The following SIGLEC11 variants were observed in gnomAD, a reference collection of about 807,000 sequenced individuals.
The protein encoded by SIGLEC11 is sialic acid-binding Ig-like lectin 11.
SIGLEC11 carries 47 observed loss-of-function variants against 61.2 expected under a neutral mutation model. The ratio of observed to expected loss-of-function variants is 0.77; its 90% confidence interval spans 0.61 to 0.98. SIGLEC11 has a LOEUF of 0.98. Ranked by LOEUF, SIGLEC11 falls within the 50% of genes least tolerant of loss-of-function variation. The pLI is 0.00. For missense variants in SIGLEC11, 610 were observed against 870.3 expected, an observed-to-expected ratio of 0.70 and a Z score of 3.76; for synonymous variants, 278 against 373.1, an observed-to-expected ratio of 0.75 and a Z score of 2.94.
Position 49,960,871 on chromosome 19 carries a change from G to A in SIGLEC11, c.141C>T (p.Gly47=), listed in dbSNP as rs2076241973. 1 of 1,577,386 alleles carries A rather than the reference G, an allele frequency of 6.3e-7. No individual in the cohort carries two copies. The highest frequency in any genetic ancestry group is 8.7e-7 in the Non-Finnish European group (1 of 1,155,480). The change falls in exon 2 of 11, where the codon GGC becomes GGT. Residue 47 remains glycine (G), a synonymous_variant. Coordinates refer to ENST00000447370, the MANE Select transcript of SIGLEC11 (RefSeq NM_052884.3). ...GGTTGCAAGACACGATGACACACAG[G>A]CCCTCCGGCACCGGCACCTGCCTCT... The part of the protein sequence containing the change: ...QVQRQVPVPE[G]LCVIVSCNLS...
In SIGLEC11 at chr19:49,958,823, T is replaced by C; in HGVS notation, c.1183A>G (p.Ser395Gly). The C allele has an allele frequency of 1.2e-6, 2 of 1,612,708 alleles. No homozygotes were observed. The highest frequency in any genetic ancestry group is 1.3e-5 in the African/African-American group (1 of 75,034). ...CAGCTCAGCCTGGCTGGGGGGCTGC[T>C]GTGGGTGACACAGACCAGGCGCAGG... ...QSLRLVCVTH[S>G]SPPARLSWTR... The change falls in exon 7 of 11, where the codon AGC (serine) becomes GGC (glycine). Residue 395 changes from serine (S) to glycine (G), a missense_variant. This residue lies in a region of SIGLEC11 where 432 missense variants were observed against 441.5 expected (regional missense o/e 0.98). Coordinates refer to ENST00000447370, the MANE Select transcript of SIGLEC11 (RefSeq NM_052884.3).
Position 49,951,311 on chromosome 19 carries a change from G to A in SIGLEC11, c.1830+580C>T, listed in dbSNP as rs768543232. Among the ~76,000 whole-genome samples, 30 of 152,192 alleles carry A rather than the reference G, an allele frequency of 2.0e-4. 1 individual carries two copies. The highest frequency in any genetic ancestry group is 5.3e-4 in the African/African-American group (22 of 41,452). On this transcript the variant is annotated intron_variant, in intron 10 of 10. Coordinates refer to ENST00000447370, the MANE Select transcript of SIGLEC11 (RefSeq NM_052884.3). The surrounding 1 kb of genome is among the most constrained non-coding windows in gnomAD (Gnocchi z 4.6). ...CATGGCTCCCCTGGGAAAGGCCACCGGAAGCTGTGGGTTTGGTATCTCCTG... is the reference window on the plus strand; with the variant it reads ...CATGGCTCCCCTGGGAAAGGCCACCAGAAGCTGTGGGTTTGGTATCTCCTG...
chr19:49,958,486 G>C lies in SIGLEC11; in HGVS notation c.1448C>G (p.Pro483Arg), dbSNP rs761548091. ...CTCCCCAAGCCACCAGCGCAGAGAG[G>C]GGGCCGGGCTGGCCTGGGAGGAGCA... is the stretch of plus-strand genomic sequence containing the variant. ...CSCSSQASPAPSLRWWLGEEL... is the reference protein window; with the variant it reads ...CSCSSQASPARSLRWWLGEEL... The change falls in exon 8 of 11, where the codon CCC becomes CGC. Residue 483 changes from proline (P) to arginine (R), a missense_variant. Physicochemically the swap from Pro to Arg is moderately radical, Grantham distance 103. Around this residue, in one of 6 missense-constraint regions of SIGLEC11, gnomAD observed 432 missense variants for 441.5 expected, o/e 0.98. Coordinates refer to ENST00000447370, the MANE Select transcript of SIGLEC11 (RefSeq NM_052884.3). The C allele has an allele frequency of 6.0e-5, 97 of 1,611,626 alleles. No individual in the cohort carries two copies. Among genetic ancestry groups the C allele is most frequent in the Middle Eastern group, 5.4e-4 (3 of 5,582 alleles).
chr19:49,958,491 C>T lies in SIGLEC11; in HGVS notation c.1443G>A (p.Pro481=), dbSNP rs556999247. ...CAAGCCACCAGCGCAGAGAGGGGGC[C>T]GGGCTGGCCTGGGAGGAGCAGCTGC... ...LHCSCSSQAS[P]APSLRWWLGE... The change falls in exon 8 of 11, where the codon CCG becomes CCA. Residue 481 remains proline, a synonymous_variant. Coordinates refer to ENST00000447370, the MANE Select transcript of SIGLEC11 (RefSeq NM_052884.3). 100 of 1,610,978 alleles carry T rather than the reference C, an allele frequency of 6.2e-5. No homozygotes were observed. Among genetic ancestry groups the T allele is most frequent in the Non-Finnish European group, 7.6e-5 (90 of 1,178,952 alleles).
rs745759468 is a variant in SIGLEC11 at position 49,951,947 on chromosome 19, G to T, written c.1774C>A (p.Arg592Ser). ...TCCTGCTCAGCTGCTGCCCTCTTGC[G>T]AGCTTCCTTCCTGCAGATCTTCACC... ...FRVKICRKEARKRAAAEQDVP... is the reference protein window; with the variant it reads ...FRVKICRKEASKRAAAEQDVP... Residue 592 changes from arginine (R) to serine (S), a missense_variant, in exon 10 of 11, where the codon CGC becomes AGC. Arg to Ser is a moderately radical substitution (Grantham distance 110, BLOSUM62 -1). Around this residue, in one of 6 missense-constraint regions of SIGLEC11, gnomAD observed 432 missense variants for 441.5 expected, o/e 0.98. Coordinates refer to ENST00000447370, the MANE Select transcript of SIGLEC11 (RefSeq NM_052884.3). This position sits in a 1 kb window ranked among gnomAD's most constrained non-coding sequence, Gnocchi z 4.6. 1 of 1,610,932 alleles carries T rather than the reference G, an allele frequency of 6.2e-7. No homozygotes were observed. Among genetic ancestry groups the T allele is most frequent in the Non-Finnish European group, 8.5e-7 (1 of 1,178,982 alleles).
rs139230914 is a variant in SIGLEC11, at chr19:49,958,650, G to C, written c.1356C>G (p.Ser452=). The change falls in exon 7 of 11, where the codon TCC becomes TCG. Residue 452 remains serine, a synonymous_variant. Coordinates refer to ENST00000447370, the MANE Select transcript of SIGLEC11 (RefSeq NM_052884.3). ...LGSQHVSLSL[S]VHYPPQLLGP... ...CCCCTTTCCCCCACTCACAGTGCACGGAGAGGCTGAGAGAGACGTGCTGGG... is the reference window on the plus strand; with the variant it reads ...CCCCTTTCCCCCACTCACAGTGCACCGAGAGGCTGAGAGAGACGTGCTGGG... 2 of 1,595,892 alleles carry C rather than the reference G, an allele frequency of 1.3e-6. No homozygotes were observed. The highest frequency in any genetic ancestry group is 1.7e-6 in the Non-Finnish European group (2 of 1,171,328).
chr19:49,954,137 G>A (rs58768527), intron 8 of SIGLEC11, among the ~76,000 whole-genome samples: 3,647 of 152,174 alleles, frequency 0.024, 136 homozygotes, highest in African/African-American at 0.084. Context: ...GCAGCTTATT[G>A]CAAAACACTT....
intron 9 of SIGLEC11, 98 bp from the exon 10 acceptor site, chr19:49,952,070 C>T (rs2076161889): frequency 7.8e-7 from 1 of 1,276,212 alleles, no homozygotes; most frequent in Admixed American, 2.5e-5. Flanking sequence ...GGCTGCAGAG[C>T]CCAGTGGGGT....
chr19:49,959,279 C>G lies in SIGLEC11; in HGVS notation c.1057+81G>C, dbSNP rs557296049. 3.2e-3 allele frequency: 5,017 copies of G among 1,577,226 alleles called. 72 individuals are homozygous for G. Among genetic ancestry groups the G allele is most frequent in the Non-Finnish European group, 3.8e-3 (4,426 of 1,166,148 alleles). ...CCCGAGGCCTGGGGTTCAAGACCCC[C>G]TCAGCTCTGGGACCCTGAGCCCAGC... On this transcript the variant is annotated intron_variant, in intron 5 of 10. Transcript: ENST00000447370.
chr19:49,956,078 C>T (rs887726856), intron 8 of SIGLEC11, among the ~76,000 whole-genome samples: 9 of 152,202 alleles, frequency 5.9e-5, no homozygotes, highest in Non-Finnish European at 1.3e-4. Context: ...GGCATTTCCT[C>T]ATACTATGTT....
At chr19:49,957,020 T>C (rs923233622) in intron 8 of SIGLEC11, among the ~76,000 whole-genome samples, 2 of 152,226 alleles carry the variant, frequency 1.3e-5, no homozygotes, top group African/African-American at 4.8e-5. Context: ...AAGGGTGGTC[T>C]CCAGATTCTC....
chr19:49,950,032 G>A lies in SIGLEC11; in HGVS notation c.2035C>T (p.Leu679=), dbSNP rs2076148407. The change falls in exon 11 of 11, where the codon CTG becomes TTG. Residue 679 remains leucine (L), a synonymous_variant. Transcript: ENST00000447370. ...SEIKIHTGQP[L]RGPGFGLQLE... ...TGAAGCCCAAAGCCTGGGCCCCTCA[G>A]GGGCTGTCCTGTGTGGATCTTGATC... 6.3e-7 allele frequency: 1 copy of A among 1,574,824 alleles called. No individual in the cohort carries two copies. The highest frequency in any genetic ancestry group is 1.4e-5 in the African/African-American group (1 of 73,420).
In SIGLEC11 at chr19:49,950,195, G is replaced by A. The variant is rs2076150527; in HGVS notation, c.1872C>T (p.His624=). The A allele has an allele frequency of 3.1e-6, 5 of 1,602,460 alleles. No homozygotes were observed. Among genetic ancestry groups the A allele is most frequent in the Non-Finnish European group, 4.2e-6 (5 of 1,176,674 alleles). The change falls in exon 11 of 11, where the codon CAC becomes CAT. Residue 624 remains histidine (H), a synonymous_variant. Transcript: ENST00000447370. ...HECSAGSSQD[H]PPPGAATYTP... ...TGTAGGTGGCTGCACCTGGGGGCGG[G>A]TGGTCTTGGGAGCTGCCTGCCGAGC...
In SIGLEC11 at chr19:49,960,673, G is replaced by A. The variant is rs1201676915; in HGVS notation, c.339C>T (p.Ser113=). 2.0e-5 allele frequency: 32 copies of A among 1,609,536 alleles called. No individual in the cohort carries two copies. Among genetic ancestry groups the A allele is most frequent in the Non-Finnish European group, 2.5e-5 (29 of 1,179,672 alleles). The change falls in exon 2 of 11, where the codon AGC becomes AGT. Residue 113 remains serine (S), a synonymous_variant. Transcript: ENST00000447370. ...GCGCGTCTCTGATCACCAAGGAGCA[G>A]CTCCCTTTGCCGGGATCCCCAGTGA... ...FQLTGDPGKG[S]CSLVIRDAQR... is the part of the protein sequence containing the mutation.
rs56847057 is a variant in SIGLEC11 at position 49,957,397 on chromosome 19, C to CAAAA, written c.1651+882_1651+885dup. ...GGCAAGGCAAGGGTTAAAAAAAAAA[C>CAAAA]AAAAAAAACCCAAGTCTTTCTATGC... is the stretch of plus-strand genomic sequence containing the variant. On this transcript the variant is annotated intron_variant, in intron 8 of 10. Coordinates refer to ENST00000447370, the MANE Select transcript of SIGLEC11 (RefSeq NM_052884.3). Among the ~76,000 whole-genome samples, 5 of 149,206 alleles carry CAAAA rather than the reference C, an allele frequency of 3.4e-5. No individual in the cohort carries two copies. The East Asian group carries it at 5.9e-4, about 18-fold the overall frequency.
chr19:49,958,355 C>T lies in SIGLEC11; in HGVS notation c.1579G>A (p.Gly527Ser), dbSNP rs138849107. The change falls in exon 8 of 11, where the codon GGC (glycine) becomes AGC (serine). Residue 527 changes from glycine (G) to serine (S), a missense_variant. Physicochemically the swap from Gly to Ser is moderately conservative, Grantham distance 56. Around this residue, in one of 6 missense-constraint regions of SIGLEC11, gnomAD observed 432 missense variants for 441.5 expected, o/e 0.98. Coordinates refer to ENST00000447370, the MANE Select transcript of SIGLEC11 (RefSeq NM_052884.3). ...CAGGCCTTACAGCGGAGCCTGAGGC[C>T]GGAGCTGAGCCCTCCATGGAGGCTC... ...SLSLHGGLSS[G>S]LRLRCKAWNV... is the part of the protein sequence containing the mutation. 5.0e-5 allele frequency: 81 copies of T among 1,614,184 alleles called. No individual in the cohort carries two copies. The highest frequency in any genetic ancestry group is 4.9e-4 in the Middle Eastern group (3 of 6,062).
chr19:49,954,628 G>A (rs1351111717), intron 8 of SIGLEC11, among the ~76,000 whole-genome samples: 1 of 152,180 alleles, frequency 6.6e-6, no homozygotes, highest in Non-Finnish European at 1.5e-5. Context: ...CCTACATGGA[G>A]AAGCCTCAAG....
In SIGLEC11 at chr19:49,951,990, G is replaced by T; in HGVS notation, c.1749-18C>A. ...TCTTCACCCTGAGGGAGGAGGCAGTGCCCTTCAGCCTCCAGGCTGGTCCAG... is the reference window on the plus strand; with the variant it reads ...TCTTCACCCTGAGGGAGGAGGCAGTTCCCTTCAGCCTCCAGGCTGGTCCAG... On this transcript the variant is annotated intron_variant, in intron 9 of 10. Transcript: ENST00000447370. This position sits in a 1 kb window ranked among gnomAD's most constrained non-coding sequence, Gnocchi z 4.6. 6.2e-7 allele frequency: 1 copy of T among 1,600,226 alleles called. No individual in the cohort carries two copies.
chr19:49,956,908 A>G (rs1374193847), intron 8 of SIGLEC11, among the ~76,000 whole-genome samples: 1 of 152,212 alleles, frequency 6.6e-6, no homozygotes, highest in Non-Finnish European at 1.5e-5. Context: ...AAAAAGTTCA[A>G]TCTAACTAAC....
Sources: allele counts gnomAD v4.1 joint callset (sites outside exome capture counted in the v4.1 genomes callset), GRCh38; gene constraint gnomAD v4.1.1; regional missense constraint gnomAD v4.1.1; non-coding constraint Gnocchi (gnomAD v3.1); transcripts MANE v1.5; gene names NCBI Gene and HGNC (gene_info 2026-07-23, HGNC 2026-07-21).